The following TBCC variants were observed in gnomAD, a reference collection of about 807,000 sequenced individuals.
TBCC encodes tubulin folding cofactor C.
Under a neutral mutation model 25.3 loss-of-function variants are expected in TBCC, and 25 were observed. The observed-to-expected ratio is 0.99, with a 90% CI of 0.72 to 1.38. The LOEUF is 1.38. TBCC is among the 40% of genes most tolerant of loss of function. TBCC has a pLI of 0.00. For missense variants in TBCC, 507 were observed against 447.2 expected, an observed-to-expected ratio of 1.13 and a Z score of -1.21; for synonymous variants, 226 against 192.8, an observed-to-expected ratio of 1.17 and a Z score of -1.43.
chr6:42,746,055 A>T lies in TBCC; in HGVS notation c.19T>A (p.Ser7Thr). 3.7e-6 allele frequency: 6 copies of T among 1,613,220 alleles called. No homozygotes were observed. The highest frequency in any genetic ancestry group is 5.1e-6 in the Non-Finnish European group (6 of 1,179,400). ...TCTCCGGTCCTGACAGCAGCAGCGG[A>T]GCAACTGACGGACTCCATATTGGCT... Reference protein sequence around the residue: MESVSCSAAAVRTGDME... With the variant: MESVSCTAAAVRTGDME... Residue 7 changes from serine to threonine, a missense_variant, in exon 1 of 1, where the codon TCC becomes ACC. Transcript: ENST00000372876.
chr6:42,745,907 T>C lies in TBCC; in HGVS notation c.167A>G (p.Asn56Ser), dbSNP rs74633281. The part of the protein sequence containing the change: ...KRQNQEVEKE[N>S]SHFFVATFVR... ...AAAGGTGGCGACGAAAAAGTGGCTGTTCTCCTTCTCTACCTCCTGGTTCTG... is the reference window on the plus strand; with the variant it reads ...AAAGGTGGCGACGAAAAAGTGGCTGCTCTCCTTCTCTACCTCCTGGTTCTG... The change falls in exon 1 of 1, where the codon AAC becomes AGC. Residue 56 changes from asparagine to serine, a missense_variant. Asn to Ser is a conservative substitution (Grantham distance 46). Transcript: ENST00000372876. This position sits in a 1 kb window ranked among gnomAD's most constrained non-coding sequence, Gnocchi z 4.2. 1 of 1,613,812 alleles carries C rather than the reference T, an allele frequency of 6.2e-7. No homozygotes were observed. The highest frequency in any genetic ancestry group is 1.1e-5 in the South Asian group (1 of 91,090).
chr6:42,745,521 C>A lies in TBCC; in HGVS notation c.553G>T (p.Gly185Cys). 1 of 1,610,904 alleles carries A rather than the reference C, an allele frequency of 6.2e-7. No homozygotes were observed. Among genetic ancestry groups the A allele is most frequent in the Non-Finnish European group, 8.5e-7 (1 of 1,178,694 alleles). The change falls in exon 1 of 1, where the codon GGT becomes TGT. Residue 185 changes from glycine (G) to cysteine (C), a missense_variant. Physicochemically the swap from Gly to Cys is radical, Grantham distance 159 (BLOSUM62 -3). Coordinates refer to ENST00000372876, the MANE Select transcript of TBCC (RefSeq NM_003192.3). The surrounding 1 kb of genome is among the most constrained non-coding windows in gnomAD (Gnocchi z 4.2). ...EGDLGPSWVCGFSNLESQVLE... is the reference protein window; with the variant it reads ...EGDLGPSWVCCFSNLESQVLE... ...ACTTGGGACTCCAGGTTGGAGAAAC[C>A]GCAGACCCAGCTGGGGCCGAGGTCT... is the stretch of plus-strand genomic sequence containing the variant.
In TBCC at chr6:42,745,032, C is replaced by G; in HGVS notation, c.*1G>C. ...GGAGTGAAGAACAGAGTGACAACTGCTTAGTCCCACTGGATATTTCGCTCC... is the reference window on the plus strand; with the variant it reads ...GGAGTGAAGAACAGAGTGACAACTGGTTAGTCCCACTGGATATTTCGCTCC... On this transcript the variant is annotated 3_prime_UTR_variant, in exon 1 of 1. Coordinates refer to ENST00000372876, the MANE Select transcript of TBCC (RefSeq NM_003192.3). This position sits in a 1 kb window ranked among gnomAD's most constrained non-coding sequence, Gnocchi z 4.2. The G allele has an allele frequency of 6.2e-7, 1 of 1,612,630 alleles. No individual in the cohort carries two copies. The highest frequency in any genetic ancestry group is 8.5e-7 in the Non-Finnish European group (1 of 1,179,114).
chr6:42,745,731 C>G lies in TBCC; in HGVS notation c.343G>C (p.Glu115Gln). Reference protein sequence around the residue: ...LAAYDLRQGQEALARLQAALA... With the variant: ...LAAYDLRQGQQALARLQAALA... ...GCCGCCTGCAGCCGCGCCAGCGCCT[C>G]TTGTCCCTGCCGCAGGTCGTAAGCG... The change falls in exon 1 of 1, where the codon GAG (glutamate) becomes CAG (glutamine). Residue 115 changes from glutamate to glutamine, a missense_variant. Coordinates refer to ENST00000372876, the MANE Select transcript of TBCC (RefSeq NM_003192.3). This position sits in a 1 kb window ranked among gnomAD's most constrained non-coding sequence, Gnocchi z 4.2. The G allele has an allele frequency of 6.2e-7, 1 of 1,613,812 alleles. No individual in the cohort carries two copies. The highest frequency in any genetic ancestry group is 1.1e-5 in the South Asian group (1 of 91,078).
Position 42,744,799 on chromosome 6 carries a change from T to C in TBCC, c.*234A>G. ...CTGTAATCCCAGCGCGCCACCACGC[T>C]GGGGGACGGAGTAAGACTCAGTCTC... is the stretch of plus-strand genomic sequence containing the variant. On this transcript the variant is annotated 3_prime_UTR_variant, in exon 1 of 1. Transcript: ENST00000372876. 1 of 418,726 alleles carries C rather than the reference T, an allele frequency of 2.4e-6. No individual in the cohort carries two copies. Among genetic ancestry groups the C allele is most frequent in the Non-Finnish European group, 4.2e-6 (1 of 237,822 alleles). 25.9% of individuals were successfully genotyped at this position (418,726 alleles called of 1,614,324 possible). A position where few individuals can be genotyped will look rare whatever the true frequency, so the allele number is the denominator to read the frequency against.
rs1217240427 is a variant in TBCC at position 42,745,776 on chromosome 6, C to T, written c.298G>A (p.Asp100Asn). 9.3e-6 allele frequency: 15 copies of T among 1,613,658 alleles called. No individual in the cohort carries two copies. The highest frequency in any genetic ancestry group is 1.1e-5 in the Non-Finnish European group (13 of 1,180,040). Residue 100 changes from aspartate to asparagine, a missense_variant, in exon 1 of 1, where the codon GAC (aspartate) becomes AAC (asparagine). Asp to Asn is a conservative substitution (Grantham distance 23, BLOSUM62 1). Transcript: ENST00000372876. The surrounding 1 kb of genome is among the most constrained non-coding windows in gnomAD (Gnocchi z 4.2). ...TAAGCGGCTAGGAAAAAAACTGAGT[C>T]GTTGATTAGTTTCTGCAGCCCCTGG... is the stretch of plus-strand genomic sequence containing the variant. The part of the protein sequence containing the change: ...RLQGLQKLIN[D>N]SVFFLAAYDL...
Position 42,745,267 on chromosome 6 carries a change from G to C in TBCC, c.807C>G (p.Thr269=). The C allele has an allele frequency of 6.2e-7, 1 of 1,614,216 alleles. No individual in the cohort carries two copies. The highest frequency in any genetic ancestry group is 8.5e-7 in the Non-Finnish European group (1 of 1,180,042). The change falls in exon 1 of 1, where the codon ACC becomes ACG. Residue 269 remains threonine (T), a synonymous_variant. Transcript: ENST00000372876. The surrounding 1 kb of genome is among the most constrained non-coding windows in gnomAD (Gnocchi z 4.2). ...QQLRIHSTKD[T]RIFLQVTSRA... is the part of the protein sequence containing the mutation. ...TGCTGGTCACCTGCAGGAAGATGCGGGTGTCTTTCGTACTGTGTATGCGGA... is the reference window on the plus strand; with the variant it reads ...TGCTGGTCACCTGCAGGAAGATGCGCGTGTCTTTCGTACTGTGTATGCGGA...
In TBCC at chr6:42,745,697, T is replaced by A; in HGVS notation, c.377A>T (p.Glu126Val). The change falls in exon 1 of 1, where the codon GAG (glutamate) becomes GTG (valine). Residue 126 changes from glutamate (E) to valine (V), a missense_variant. By Grantham distance (121) the Glu-to-Val change is moderately radical. Transcript: ENST00000372876. This position sits in a 1 kb window ranked among gnomAD's most constrained non-coding sequence, Gnocchi z 4.2. ...ALARLQAALA[E>V]RRRGLQPKKR... ...CTTGGGCTGCAGCCCCCGGCGCCGC[T>A]CGGCCAAGGCCGCCTGCAGCCGCGC... is the stretch of plus-strand genomic sequence containing the variant. The A allele has an allele frequency of 6.2e-7, 1 of 1,611,964 alleles. No homozygotes were observed. The highest frequency in any genetic ancestry group is 8.5e-7 in the Non-Finnish European group (1 of 1,179,262).
In TBCC at chr6:42,745,078, G is replaced by C. The variant is rs1762234691; in HGVS notation, c.996C>G (p.Asn332Lys). The C allele has an allele frequency of 6.2e-7, 1 of 1,614,092 alleles. No individual in the cohort carries two copies. Among genetic ancestry groups the C allele is most frequent in the South Asian group, 1.1e-5 (1 of 91,078 alleles). The change falls in exon 1 of 1, where the codon AAC (asparagine) becomes AAG (lysine). Residue 332 changes from asparagine (N) to lysine (K), a missense_variant. Transcript: ENST00000372876. This position sits in a 1 kb window ranked among gnomAD's most constrained non-coding sequence, Gnocchi z 4.2. ...NWLARDMASP[N>K]WSILPEEERN... Reference sequence around the variant, plus strand: ...GCTCCTCTTCAGGAAGAATACTCCAGTTTGGGGAGGCCATATCCCGGGCCA... The same window carrying C: ...GCTCCTCTTCAGGAAGAATACTCCACTTTGGGGAGGCCATATCCCGGGCCA...
Position 42,745,376 on chromosome 6 carries a change from C to A in TBCC, c.698G>T (p.Cys233Phe), listed in dbSNP as rs2152015714. The change falls in exon 1 of 1, where the codon TGC (cysteine) becomes TTC (phenylalanine). Residue 233 changes from cysteine (C) to phenylalanine (F), a missense_variant. Cys to Phe is a radical substitution (Grantham distance 205, BLOSUM62 -2). Transcript: ENST00000372876. The surrounding 1 kb of genome is among the most constrained non-coding windows in gnomAD (Gnocchi z 4.2). ...NTLRLTKAHSCKLLCGPVSTS... is the reference protein window; with the variant it reads ...NTLRLTKAHSFKLLCGPVSTS... ...AGACACCGGACCGCAGAGCAGCTTG[C>A]AGCTGTGGGCCTTGGTTAGCCGCAG... 6.2e-7 allele frequency: 1 copy of A among 1,614,260 alleles called. No homozygotes were observed. The highest frequency in any genetic ancestry group is 1.1e-5 in the South Asian group (1 of 91,088).
rs1762229464 is a variant in TBCC at position 42,744,836 on chromosome 6, G to A, written c.*197C>T. The A allele has an allele frequency of 1.6e-6, 1 of 610,450 alleles. No individual in the cohort carries two copies. The highest frequency in any genetic ancestry group is 2.8e-6 in the Non-Finnish European group (1 of 355,790). 37.8% of individuals were successfully genotyped at this position (610,450 alleles called of 1,614,324 possible). ...TAAGACTCAGTCTCAAAGGCATGACGAAAATAGCAAAAATGCTTTAGTGTT... is the reference window on the plus strand; with the variant it reads ...TAAGACTCAGTCTCAAAGGCATGACAAAAATAGCAAAAATGCTTTAGTGTT... On this transcript the variant is annotated 3_prime_UTR_variant, in exon 1 of 1. Coordinates refer to ENST00000372876, the MANE Select transcript of TBCC (RefSeq NM_003192.3).
rs1052889856 is a variant in TBCC, at chr6:42,745,778, T to C, written c.296A>G (p.Asn99Ser). 5 of 1,613,722 alleles carry C rather than the reference T, an allele frequency of 3.1e-6. No homozygotes were observed. Among genetic ancestry groups the C allele is most frequent in the East Asian group, 4.5e-5 (2 of 44,878 alleles). ...AGCGGCTAGGAAAAAAACTGAGTCG[T>C]TGATTAGTTTCTGCAGCCCCTGGAG... ...SRLQGLQKLI[N>S]DSVFFLAAYD... Residue 99 changes from asparagine (N) to serine (S), a missense_variant, in exon 1 of 1, where the codon AAC (asparagine) becomes AGC (serine). Physicochemically the swap from Asn to Ser is conservative, Grantham distance 46 (BLOSUM62 1). Transcript: ENST00000372876. This position sits in a 1 kb window ranked among gnomAD's most constrained non-coding sequence, Gnocchi z 4.2.
At position 42,745,367 on chromosome 6, in the gene TBCC, A is replaced by G; in HGVS notation, c.707T>C (p.Leu236Pro). The G allele has an allele frequency of 6.2e-7, 1 of 1,614,134 alleles. No individual in the cohort carries two copies. The highest frequency in any genetic ancestry group is 2.2e-5 in the East Asian group (1 of 44,900). ...RLTKAHSCKL[L>P]CGPVSTSVFL... is the part of the protein sequence containing the mutation. ...AACAGAGGTAGACACCGGACCGCAGAGCAGCTTGCAGCTGTGGGCCTTGGT... is the reference window on the plus strand; with the variant it reads ...AACAGAGGTAGACACCGGACCGCAGGGCAGCTTGCAGCTGTGGGCCTTGGT... Residue 236 changes from leucine to proline, a missense_variant, in exon 1 of 1, where the codon CTC (leucine) becomes CCC (proline). Transcript: ENST00000372876. The surrounding 1 kb of genome is among the most constrained non-coding windows in gnomAD (Gnocchi z 4.2).
rs916845744 is a variant in TBCC at position 42,745,634 on chromosome 6, G to A, written c.440C>T (p.Ala147Val). ...AGCCGCGTCTACTTTGGTAGACGAA[G>A]CAGCATCCTTTCCCCGGGTCTTGAA... The part of the protein sequence containing the change: ...FAFKTRGKDA[A>V]SSTKVDAAPG... The change falls in exon 1 of 1, where the codon GCT (alanine) becomes GTT (valine). Residue 147 changes from alanine to valine, a missense_variant. Transcript: ENST00000372876. This position sits in a 1 kb window ranked among gnomAD's most constrained non-coding sequence, Gnocchi z 4.2. The A allele has an allele frequency of 2.5e-6, 4 of 1,612,688 alleles. No individual in the cohort carries two copies. Among genetic ancestry groups the A allele is most frequent in the Non-Finnish European group, 3.4e-6 (4 of 1,179,376 alleles).
At position 42,746,004 on chromosome 6, in the gene TBCC, G is replaced by C. The variant is rs199677238; in HGVS notation, c.70C>G (p.Leu24Val). The C allele has an allele frequency of 6.2e-7, 1 of 1,614,186 alleles. No homozygotes were observed. Among genetic ancestry groups the C allele is most frequent in the East Asian group, 2.2e-5 (1 of 44,876 alleles). Residue 24 changes from leucine to valine, a missense_variant, in exon 1 of 1, where the codon CTG (leucine) becomes GTG (valine). Leu to Val is a conservative substitution (Grantham distance 32, BLOSUM62 1). Transcript: ENST00000372876. ...GDMESQRDLS[L>V]VPERLQRREQ... is the part of the protein sequence containing the mutation. The stretch of plus-strand genomic sequence containing the variant: ...CGTCTCTGAAGCCGCTCAGGCACCA[G>C]GCTCAGGTCCCGCTGGGACTCCATG...
In TBCC at chr6:42,746,073, T is replaced by TA; in HGVS notation, c.-1dup. The TA allele has an allele frequency of 6.2e-7, 1 of 1,610,112 alleles. No individual in the cohort carries two copies. The highest frequency in any genetic ancestry group is 1.1e-5 in the South Asian group (1 of 91,000). On this transcript the variant is annotated 5_prime_UTR_variant, in exon 1 of 1. Transcript: ENST00000372876. ...GCAGCGGAGCAACTGACGGACTCCA[T>TA]ATTGGCTTCAAGCTTCCTCTCTCTT...
In TBCC at chr6:42,745,796, C is replaced by T; in HGVS notation, c.278G>A (p.Gly93Glu). 1 of 1,613,380 alleles carries T rather than the reference C, an allele frequency of 6.2e-7. No homozygotes were observed. Among genetic ancestry groups the T allele is most frequent in the South Asian group, 1.1e-5 (1 of 91,080 alleles). ...TGAGTCGTTGATTAGTTTCTGCAGC[C>T]CCTGGAGCCGAGAGGCCGCCTCCTC... ...RLEEAASRLQ[G>E]LQKLINDSVF... The change falls in exon 1 of 1, where the codon GGG (glycine) becomes GAG (glutamate). Residue 93 changes from glycine (G) to glutamate (E), a missense_variant. Transcript: ENST00000372876. This position sits in a 1 kb window ranked among gnomAD's most constrained non-coding sequence, Gnocchi z 4.2.
At position 42,745,007 on chromosome 6, in the gene TBCC, G is replaced by A; in HGVS notation, c.*26C>T. On this transcript the variant is annotated 3_prime_UTR_variant, in exon 1 of 1. Transcript: ENST00000372876. The surrounding 1 kb of genome is among the most constrained non-coding windows in gnomAD (Gnocchi z 4.2). Reference sequence around the variant, plus strand: ...AGTCCAACGTGGAAAGTATTTGGTAGGAGTGAAGAACAGAGTGACAACTGC... The same window carrying A: ...AGTCCAACGTGGAAAGTATTTGGTAAGAGTGAAGAACAGAGTGACAACTGC... The A allele has an allele frequency of 6.3e-7, 1 of 1,596,002 alleles. No homozygotes were observed. The highest frequency in any genetic ancestry group is 2.2e-5 in the East Asian group (1 of 44,686).
At position 42,745,872 on chromosome 6, in the gene TBCC, G is replaced by T. The variant is rs1762258489; in HGVS notation, c.202C>A (p.Arg68=). The T allele has an allele frequency of 6.2e-7, 1 of 1,613,742 alleles. No individual in the cohort carries two copies. Among genetic ancestry groups the T allele is most frequent in the Non-Finnish European group, 8.5e-7 (1 of 1,180,040 alleles). The change falls in exon 1 of 1, where the codon CGA becomes AGA. Residue 68 remains arginine, a synonymous_variant. Coordinates refer to ENST00000372876, the MANE Select transcript of TBCC (RefSeq NM_003192.3). The surrounding 1 kb of genome is among the most constrained non-coding windows in gnomAD (Gnocchi z 4.2). The stretch of plus-strand genomic sequence containing the variant: ...TCCAGAAGCTCTTCCACGGCCGCTC[G>T]CTCCCGAACAAAGGTGGCGACGAAA... ...HFFVATFVRE[R]AAVEELLERA...
Sources: allele counts gnomAD v4.1 joint callset, GRCh38; gene constraint gnomAD v4.1.1; non-coding constraint Gnocchi (gnomAD v3.1); transcripts MANE v1.5; gene names NCBI Gene and HGNC (gene_info 2026-07-23, HGNC 2026-07-21).